The following CDH13 variants were observed in gnomAD, a reference collection of about 807,000 sequenced individuals.
The protein encoded by CDH13 is cadherin-13.
A neutral mutation model predicts 63.8 loss-of-function variants in CDH13; 24 were observed. The ratio of observed to expected loss-of-function variants is 0.38; its 90% CI spans 0.27 to 0.53. CDH13 has a LOEUF of 0.53. Ranked by LOEUF, CDH13 falls within the 20% of genes least tolerant of loss-of-function variation. The pLI, the probability that CDH13 is intolerant of heterozygous loss-of-function variation, is 0.85. For missense variants in CDH13, 1,049 were observed against 903.1 expected, an observed-to-expected ratio of 1.16 and a Z score of -2.07; for synonymous variants, 503 against 355.3, an observed-to-expected ratio of 1.42 and a Z score of -4.67.
intron 5 of CDH13, among the ~76,000 whole-genome samples, chr16:83,240,233 G>A (rs146021915): frequency 5.6e-4 from 86 of 152,220 alleles, no homozygotes; most frequent in Non-Finnish European, 9.7e-4. Context: ...GCAAAGATCC[G>A]GAGGTCAAAG....
chr16:82,848,311 C>A (rs2151146609), intron 1 of CDH13, among the ~76,000 whole-genome samples: 1 of 152,202 alleles, frequency 6.6e-6, no homozygotes, highest in Non-Finnish European at 1.5e-5. Flanking sequence ...TGCTTTGTGT[C>A]CCTAGTGTGT....
chr16:82,818,775 A>G (rs1597695490), intron 1 of CDH13, among the ~76,000 whole-genome samples: 1 of 152,164 alleles, frequency 6.6e-6, no homozygotes, highest in South Asian at 2.1e-4. Flanking sequence ...AAGTCTCTGT[A>G]AAGGCCTTTC....
chr16:83,290,621 A>C (rs1460334549), intron 5 of CDH13, among the ~76,000 whole-genome samples: 1 of 152,186 alleles, frequency 6.6e-6, no homozygotes, highest in African/African-American at 2.4e-5. Context: ...CTTTATTAGC[A>C]GTGTGAGAAC....
At chr16:83,244,862 C>T (rs1005002263) in intron 5 of CDH13, among the ~76,000 whole-genome samples, 9 of 152,098 alleles carry the variant, frequency 5.9e-5, no homozygotes, top group African/African-American at 2.2e-4. Context: ...CAGAGTTTTT[C>T]CTGGAATCTG....
chr16:83,723,020 A>G (rs1482746638), intron 10 of CDH13, among the ~76,000 whole-genome samples: 1 of 152,202 alleles, frequency 6.6e-6, no homozygotes, highest in Non-Finnish European at 1.5e-5. Context: ...GAGCTGGGTG[A>G]CATGCTTAAT....
intron 10 of CDH13, among the ~76,000 whole-genome samples, chr16:83,741,747 T>C (rs382145): frequency 0.76 from 115,352 of 152,068 alleles, 44,307 homozygotes; most frequent in Middle Eastern, 0.83. Flanking sequence ...TCATGTAATG[T>C]TGGCAACCAT....
chr16:83,362,551 C>G (rs1052277657), intron 6 of CDH13, among the ~76,000 whole-genome samples: 5 of 152,172 alleles, frequency 3.3e-5, no homozygotes, highest in Admixed American at 6.5e-5. Flanking sequence ...ATTCTTTATC[C>G]CATTCCATCC....
intron 6 of CDH13, among the ~76,000 whole-genome samples, chr16:83,401,672 A>G (rs376428559): frequency 2.0e-5 from 3 of 152,162 alleles, no homozygotes; most frequent in African/African-American, 7.2e-5. Context: ...AAAAAAGAGA[A>G]AAAAAATAGA....
At position 83,795,249 on chromosome 16, in the gene CDH13, T is replaced by G. The variant is rs367934881; in HGVS notation, c.*219T>G. ...TTTAATTAATGGAATCTTCTGAATT[T>G]TCCCTGAATGTTTAAAGATCATGAC... is the stretch of plus-strand genomic sequence containing the variant. On this transcript the variant is annotated 3_prime_UTR_variant, in exon 14 of 14. Coordinates refer to ENST00000567109, the MANE Select transcript of CDH13 (RefSeq NM_001257.5). The G allele has an allele frequency of 7.4e-6, 4 of 540,342 alleles. No homozygotes were observed. The highest frequency in any genetic ancestry group is 1.9e-5 in the African/African-American group (1 of 52,490). The allele number at this position is 540,342 out of a possible 1,614,324, so 33.5% of individuals were successfully genotyped here.
intron 7 of CDH13, among the ~76,000 whole-genome samples, chr16:83,586,407 A>AG (rs1337479038): frequency 6.6e-6 from 1 of 152,242 alleles, no homozygotes; most frequent in Non-Finnish European, 1.5e-5. Flanking sequence ...ATTTTTAAAA[A>AG]TAAAATGAAA....
intron 1 of CDH13, among the ~76,000 whole-genome samples, chr16:82,697,129 C>A (rs1181230349): frequency 6.6e-6 from 1 of 152,148 alleles, no homozygotes; most frequent in African/African-American, 2.4e-5. Flanking sequence ...CATACTGAGT[C>A]CAGGTCCACA....
intron 2 of CDH13, among the ~76,000 whole-genome samples, chr16:82,966,574 TG>T (rs1907868113): frequency 6.6e-6 from 1 of 152,258 alleles, no homozygotes. Context: ...CTAGAGCCTT[TG>T]TTCTGGAAAT....
chr16:83,028,311 C>T (rs1458057034), intron 2 of CDH13, among the ~76,000 whole-genome samples: 1 of 152,220 alleles, frequency 6.6e-6, no homozygotes, highest in Non-Finnish European at 1.5e-5. Context: ...GGGCTACCAA[C>T]ATGGTTAGAG....
chr16:82,914,208 G>A lies in CDH13; in HGVS notation c.157+55735G>A, dbSNP rs535097665. 5.7e-4 allele frequency among the ~76,000 whole-genome samples: 86 copies of A among 152,148 alleles called. 1 individual carries two copies. In the South Asian group the frequency reaches 0.015, roughly 26 times the overall value. ...TCTACTTAGTACAACTGATACCACC[G>A]CCATGCAGCCATCATGGCCCCTCCC... On this transcript the variant is annotated intron_variant, in intron 2 of 13. Transcript: ENST00000567109.
intron 2 of CDH13, among the ~76,000 whole-genome samples, chr16:82,859,997 G>C (rs1023515521): frequency 6.6e-6 from 1 of 152,070 alleles, no homozygotes; most frequent in African/African-American, 2.4e-5. Flanking sequence ...GTGACTCCTG[G>C]GTCAGGCCAT....
At chr16:83,513,818 A>G (rs774865966) in intron 7 of CDH13, among the ~76,000 whole-genome samples, 19 of 152,308 alleles carry the variant, frequency 1.2e-4, no homozygotes, top group Middle Eastern at 6.8e-3. Flanking sequence ...TTGGGTTCAA[A>G]GACAAATGCC....
intron 7 of CDH13, among the ~76,000 whole-genome samples, chr16:83,526,286 G>C (rs1172814209): frequency 6.6e-6 from 1 of 151,986 alleles, no homozygotes; most frequent in African/African-American, 2.4e-5. Context: ...TCTCAAGCTG[G>C]GGCAAAAATA....
chr16:82,936,354 G>A lies in CDH13; in HGVS notation c.157+77881G>A, dbSNP rs182237733. The stretch of plus-strand genomic sequence containing the variant: ...TCTTAACTCCTGTATCATCAGGAAC[G>A]TGAACCCTATTGTGAATTGTACATG... On this transcript the variant is annotated intron_variant, in intron 2 of 13. Coordinates refer to ENST00000567109, the MANE Select transcript of CDH13 (RefSeq NM_001257.5). Among the ~76,000 whole-genome samples the A allele has an allele frequency of 5.3e-5, 8 of 152,270 alleles. No homozygotes were observed. In the East Asian group the frequency reaches 7.7e-4, roughly 15 times the overall value.
At chr16:82,795,474 C>G (rs556005900) in intron 1 of CDH13, among the ~76,000 whole-genome samples, 1 of 152,310 alleles carries the variant, frequency 6.6e-6, no homozygotes, top group Non-Finnish European at 1.5e-5. Flanking sequence ...ACAGTGACAA[C>G]TAACATTTTT....
Sources: gnomAD v4.1 joint callset for allele counts (sites outside exome capture counted in the v4.1 genomes callset) on GRCh38, gnomAD v4.1.1 for gene constraint, MANE v1.5 for transcripts, NCBI Gene and HGNC (gene_info 2026-07-23, HGNC 2026-07-21) for gene names.